Variants in EXOC4 observed in about 807,000 individuals in gnomAD.
The protein encoded by EXOC4 is exocyst complex component 4, also known as SEC8-like 1.
A neutral mutation model predicts 107.2 loss-of-function variants in EXOC4; 71 were observed. The ratio of observed to expected loss-of-function variants is 0.66; its 90% CI spans 0.55 to 0.81. The LOEUF (loss-of-function observed/expected upper bound fraction) is 0.81. EXOC4 is among the 30% of genes least tolerant of loss of function. The pLI, the probability that EXOC4 is intolerant of heterozygous loss-of-function variation, is 0.00. For missense variants in EXOC4, 1,108 were observed against 1,189.6 expected, an observed-to-expected ratio of 0.93 and a Z score of 1.01; for synonymous variants, 456 against 441.2, an observed-to-expected ratio of 1.03 and a Z score of -0.42.
intron 9 of EXOC4, among the ~76,000 whole-genome samples, chr7:133,569,983 G>A (rs1288676520): frequency 1.3e-5 from 2 of 152,152 alleles, no homozygotes; most frequent in African/African-American, 2.4e-5. Flanking sequence ...ATGGCGGAAC[G>A]CAATAAAATA....
chr7:133,419,741 A>G (rs1026420528), intron 7 of EXOC4, among the ~76,000 whole-genome samples: 4 of 152,150 alleles, frequency 2.6e-5, no homozygotes, highest in Non-Finnish European at 5.9e-5. Flanking sequence ...CCCAGGCCCC[A>G]ATCCAAACCG....
intron 9 of EXOC4, among the ~76,000 whole-genome samples, chr7:133,577,926 A>G (rs1801168776): frequency 6.6e-6 from 1 of 152,218 alleles, no homozygotes; most frequent in African/African-American, 2.4e-5. Context: ...TTATTGTGTA[A>G]TGAAATACCA....
chr7:133,671,071 A>T (rs141086678), intron 10 of EXOC4, among the ~76,000 whole-genome samples: 6 of 152,200 alleles, frequency 3.9e-5, no homozygotes, highest in Non-Finnish European at 8.8e-5. Context: ...AGAGGACAAC[A>T]GCCCTGAGAC....
intron 9 of EXOC4, among the ~76,000 whole-genome samples, chr7:133,626,318 T>A (rs1802454787): frequency 6.6e-6 from 1 of 152,204 alleles, no homozygotes; most frequent in Non-Finnish European, 1.5e-5. Flanking sequence ...TGAAGTAGAT[T>A]TCCGGGGGTC....
chr7:133,871,927 A>G lies in EXOC4; in HGVS notation c.1735-23672A>G, dbSNP rs78623935. Among the ~76,000 whole-genome samples, 365 of 152,352 alleles carry G rather than the reference A, an allele frequency of 2.4e-3. 5 individuals are homozygous for G. Among genetic ancestry groups the G allele is most frequent in the African/African-American group, 8.2e-3 (340 of 41,578 alleles). ...GTGGCTTATAGTAAGCAATATGTAC[A>G]TATTTACTTAATAAAATAAACACTT... is the stretch of plus-strand genomic sequence containing the variant. On this transcript the variant is annotated intron_variant, in intron 11 of 17. Coordinates refer to ENST00000253861, the MANE Select transcript of EXOC4 (RefSeq NM_021807.4).
intron 7 of EXOC4, among the ~76,000 whole-genome samples, chr7:133,457,886 G>T (rs1010981191): frequency 1.3e-5 from 2 of 152,150 alleles, no homozygotes; most frequent in Non-Finnish European, 2.9e-5. Flanking sequence ...TATAGCTTCA[G>T]TAATAATGCT....
intron 1 of EXOC4, among the ~76,000 whole-genome samples, chr7:133,271,043 C>T (rs1199663107): frequency 1.3e-5 from 2 of 151,912 alleles, no homozygotes; most frequent in South Asian, 2.1e-4. Flanking sequence ...CTCAGCCTCC[C>T]GAATAACTGG....
Position 133,547,661 on chromosome 7 carries a change from A to G in EXOC4, c.1417+67523A>G, listed in dbSNP as rs574034755. ...TTCAACAGTGTCCACAGCATCTTCA[A>G]GAGTAGATTACATCTCAAGAAATCA... On this transcript the variant is annotated intron_variant, in intron 9 of 17. Coordinates refer to ENST00000253861, the MANE Select transcript of EXOC4 (RefSeq NM_021807.4). Among the ~76,000 whole-genome samples the G allele has an allele frequency of 1.3e-3, 196 of 152,326 alleles. 1 individual carries two copies. The highest frequency in any genetic ancestry group is 4.4e-3 in the African/African-American group (184 of 41,582).
intron 9 of EXOC4, among the ~76,000 whole-genome samples, chr7:133,620,187 T>C (rs1020853162): frequency 1.1e-4 from 16 of 151,924 alleles, no homozygotes; most frequent in African/African-American, 3.6e-4. Flanking sequence ...CACACCTGGC[T>C]AGTTTTTTTT....
At chr7:133,289,205 C>T (rs1012856360) in intron 3 of EXOC4, 89 bp downstream of exon 3, 5 of 1,140,036 alleles carry the variant, frequency 4.4e-6, no homozygotes, top group South Asian at 3.2e-5. Flanking sequence ...ATGCATGTAG[C>T]ACATTACAAA....
At chr7:133,427,902 G>A (rs756435084) in intron 7 of EXOC4, among the ~76,000 whole-genome samples, 2 of 152,134 alleles carry the variant, frequency 1.3e-5, no homozygotes, top group African/African-American at 4.8e-5. Context: ...AAAATCAATT[G>A]GTAGATTTTG....
intron 11 of EXOC4, among the ~76,000 whole-genome samples, chr7:133,848,021 C>T (rs553436124): frequency 3.9e-5 from 6 of 151,914 alleles, no homozygotes; most frequent in African/African-American, 1.4e-4. Context: ...TGAGCCACCG[C>T]GCCTGGCCCA....
chr7:133,274,111 T>C (rs1213689924), intron 1 of EXOC4, among the ~76,000 whole-genome samples: 1 of 152,230 alleles, frequency 6.6e-6, no homozygotes, highest in Non-Finnish European at 1.5e-5. Flanking sequence ...ATCTATCTCA[T>C]TCCCTGGTTA....
At chr7:133,389,542 C>A (rs1308949615) in intron 7 of EXOC4, among the ~76,000 whole-genome samples, 1 of 131,670 alleles carries the variant, frequency 7.6e-6, no homozygotes, top group African/African-American at 2.9e-5. Flanking sequence ...CATTGCACTC[C>A]AGTCTGGGCA....
intron 9 of EXOC4, among the ~76,000 whole-genome samples, chr7:133,628,801 G>C (rs1802517524): frequency 6.6e-6 from 1 of 152,196 alleles, no homozygotes; most frequent in South Asian, 2.1e-4. Context: ...TGAGGAAAGA[G>C]TATGAGTCCT....
chr7:133,866,885 G>T (rs941857324), intron 11 of EXOC4, among the ~76,000 whole-genome samples: 1 of 152,216 alleles, frequency 6.6e-6, no homozygotes, highest in African/African-American at 2.4e-5. Flanking sequence ...TATAAGAGTT[G>T]TGCAGCTTTC....
intron 10 of EXOC4, among the ~76,000 whole-genome samples, chr7:133,688,061 G>A (rs541263461): frequency 6.6e-6 from 1 of 152,088 alleles, no homozygotes; most frequent in South Asian, 2.1e-4. Flanking sequence ...GAACCATTTA[G>A]CATCACTTTC....
At chr7:134,027,426 G>A (rs942835858) in intron 17 of EXOC4, among the ~76,000 whole-genome samples, 16 of 152,242 alleles carry the variant, frequency 1.1e-4, no homozygotes, top group South Asian at 2.1e-4. Context: ...TTGGGAGGCC[G>A]AGGCGGGCAG....
intron 10 of EXOC4, among the ~76,000 whole-genome samples, chr7:133,784,275 T>G (rs2542258): frequency 0.99 from 150,285 of 152,282 alleles, 74,199 homozygotes; most frequent in Middle Eastern, 1. Flanking sequence ...AAGAGTTCAT[T>G]AAGAGGACAG....
Sources: gnomAD v4.1 joint callset for allele counts (sites outside exome capture counted in the v4.1 genomes callset) on GRCh38, gnomAD v4.1.1 for gene constraint, MANE v1.5 for transcripts, NCBI Gene and HGNC (gene_info 2026-07-23, HGNC 2026-07-21) for gene names.